GJB7: variants seen among roughly 807,000 people sequenced by gnomAD.
GJB7 encodes gap junction protein beta 7, also known as gap junction beta-7 protein.
For missense variants in GJB7, 253 were observed against 256.8 expected, an observed-to-expected ratio of 0.99 and a Z score of 0.10; for synonymous variants, 87 against 95.2, an observed-to-expected ratio of 0.91 and a Z score of 0.50.
chr6:87,294,718 G>C (rs545805499), intron 2 of GJB7, among the ~76,000 whole-genome samples: 1 of 152,322 alleles, frequency 6.6e-6, no homozygotes, highest in East Asian at 1.9e-4. Context: ...GGGTGATGAG[G>C]ACATCCCTAA....
At chr6:87,305,134 C>G (rs558547684) in intron 2 of GJB7, among the ~76,000 whole-genome samples, 21 of 152,298 alleles carry the variant, frequency 1.4e-4, no homozygotes, top group African/African-American at 4.8e-4. Context: ...TTTGCCCTCT[C>G]TCACCACTCC....
In GJB7 at chr6:87,306,770, C is replaced by T. The variant is rs144321917; in HGVS notation, c.-28+16096G>A. ...ATTTACAATAGCAAAGACTTGGAACCAACCCTAATGTCCAACAATGATAGA... is the reference window on the plus strand; with the variant it reads ...ATTTACAATAGCAAAGACTTGGAACTAACCCTAATGTCCAACAATGATAGA... On this transcript the variant is annotated intron_variant, in intron 2 of 2. Coordinates refer to ENST00000525899, the MANE Select transcript of GJB7 (RefSeq NM_198568.3). 3.9e-3 allele frequency among the ~76,000 whole-genome samples: 589 copies of T among 152,298 alleles called. 1 individual carries two copies. Among genetic ancestry groups the T allele is most frequent in the African/African-American group, 0.014 (564 of 41,550 alleles).
Position 87,284,857 on chromosome 6 carries a change from C to G in GJB7, c.56G>C (p.Gly19Ala). ...GACAGCCAGCCAAATCCATCCAGTC[C>G]CAGTGGAGTATTTATTTACTCCACT... ...LLSGVNKYST[G>A]TGWIWLAVVF... The change falls in exon 3 of 3, where the codon GGG (glycine) becomes GCG (alanine). Residue 19 changes from glycine to alanine, a missense_variant. Physicochemically the swap from Gly to Ala is moderately conservative, Grantham distance 60. Coordinates refer to ENST00000525899, the MANE Select transcript of GJB7 (RefSeq NM_198568.3). 1 of 1,614,042 alleles carries G rather than the reference C, an allele frequency of 6.2e-7. No individual in the cohort carries two copies. The highest frequency in any genetic ancestry group is 8.5e-7 in the Non-Finnish European group (1 of 1,179,978).
chr6:87,300,146 G>A (rs746553432), intron 2 of GJB7: 16 of 245,310 alleles, frequency 6.5e-5, no homozygotes, highest in African/African-American at 1.6e-4. Context: ...TTAAAAATTC[G>A]TACAGAAGTT....
chr6:87,286,407 G>C (rs182141020), intron 2 of GJB7, among the ~76,000 whole-genome samples: 15 of 152,138 alleles, frequency 9.9e-5, no homozygotes, highest in African/African-American at 3.6e-4. Flanking sequence ...CCTCCTAAAT[G>C]CATCTCAAAT....
At chr6:87,294,863 T>C (rs965346127) in intron 2 of GJB7, among the ~76,000 whole-genome samples, 5 of 152,204 alleles carry the variant, frequency 3.3e-5, no homozygotes, top group Admixed American at 2.0e-4. Flanking sequence ...ACAATACATA[T>C]CCAGCCCATA....
intron 2 of GJB7, among the ~76,000 whole-genome samples, chr6:87,303,244 G>C (rs967828158): frequency 1.1e-4 from 17 of 152,112 alleles, no homozygotes; most frequent in Non-Finnish European, 2.5e-4. Context: ...ATTGGATAAA[G>C]AGTCAAGACC....
chr6:87,293,696 T>A (rs1371105704), intron 2 of GJB7, among the ~76,000 whole-genome samples: 4 of 152,248 alleles, frequency 2.6e-5, no homozygotes, highest in Non-Finnish European at 5.9e-5. Flanking sequence ...GGACGTTTGT[T>A]GTTGCCACAA....
At chr6:87,314,070 C>CCCCTA (rs1776547701) in intron 2 of GJB7, among the ~76,000 whole-genome samples, 1 of 152,224 alleles carries the variant, frequency 6.6e-6, no homozygotes, top group African/African-American at 2.4e-5. Flanking sequence ...CTATACATTT[C>CCCCTA]ATAAGGTACT....
chr6:87,297,011 A>T (rs933080824), intron 2 of GJB7, among the ~76,000 whole-genome samples: 1 of 152,208 alleles, frequency 6.6e-6, no homozygotes, highest in African/African-American at 2.4e-5. Context: ...GTATGTTCTC[A>T]TAGTAACATG....
At chr6:87,297,665 A>G (rs973540424) in intron 2 of GJB7, among the ~76,000 whole-genome samples, 1 of 152,262 alleles carries the variant, frequency 6.6e-6, no homozygotes, top group Non-Finnish European at 1.5e-5. Context: ...AATTGAATAT[A>G]CAGAAAATAA....
At chr6:87,301,860 T>C (rs1776333594) in intron 2 of GJB7, among the ~76,000 whole-genome samples, 2 of 152,194 alleles carry the variant, frequency 1.3e-5, no homozygotes, top group African/African-American at 2.4e-5. Context: ...GCAGCAACAT[T>C]TGCTGTTCAG....
intron 2 of GJB7, 48 bp downstream of exon 2, chr6:87,322,818 A>G (rs1470696496): frequency 6.6e-6 from 1 of 151,912 alleles, no homozygotes; most frequent in Non-Finnish European, 1.5e-5. Flanking sequence ...CCCGCACCCC[A>G]AGTCGGTGAA....
chr6:87,324,723 TTTTGG>T (rs1333103157), intron 1 of GJB7, among the ~76,000 whole-genome samples: 12 of 152,076 alleles, frequency 7.9e-5, no homozygotes, highest in Non-Finnish European at 1.6e-4. Context: ...AGCTTTGTTC[TTTTGG>T]CTTAGGATTG....
intron 1 of GJB7, among the ~76,000 whole-genome samples, chr6:87,326,854 G>A (rs1389109922): frequency 5.0e-5 from 6 of 121,040 alleles, no homozygotes; most frequent in Non-Finnish European, 1.0e-4. Flanking sequence ...TCTGTCTAAT[G>A]TTGACAGTGG....
At chr6:87,285,056 G>T in intron 2 of GJB7, 117 bp from the exon 3 acceptor site, 1 of 668,940 alleles carries the variant, frequency 1.5e-6, no homozygotes, top group Non-Finnish European at 2.5e-6. Flanking sequence ...AACTCTGGTG[G>T]TTTAGGGCTC....
intron 1 of GJB7, among the ~76,000 whole-genome samples, chr6:87,324,968 C>T (rs1582084940): frequency 6.6e-6 from 1 of 151,958 alleles, no homozygotes; most frequent in East Asian, 1.9e-4. Context: ...TGTAGTTCTC[C>T]TTGAAGAGGT....
chr6:87,290,627 T>G (rs1311193337), intron 2 of GJB7, among the ~76,000 whole-genome samples: 1 of 152,216 alleles, frequency 6.6e-6, no homozygotes, highest in African/African-American at 2.4e-5. Flanking sequence ...AGCTCATATT[T>G]AAGGACTGCC....
At chr6:87,298,108 G>T (rs1776270957) in intron 2 of GJB7, among the ~76,000 whole-genome samples, 1 of 152,222 alleles carries the variant, frequency 6.6e-6, no homozygotes, top group Non-Finnish European at 1.5e-5. Context: ...CCTCCTATTG[G>T]CTATGACAGA....
Sources: allele counts gnomAD v4.1 joint callset (sites outside exome capture counted in the v4.1 genomes callset), GRCh38; gene constraint gnomAD v4.1.1; transcripts MANE v1.5; gene names NCBI Gene and HGNC (gene_info 2026-07-23, HGNC 2026-07-21).